Variants in SLC13A3 observed in about 807,000 individuals in gnomAD.
The protein encoded by SLC13A3 is Na(+)/dicarboxylate cotransporter 3.
A neutral mutation model predicts 59.0 loss-of-function variants in SLC13A3; 40 were observed. That is an observed-to-expected ratio of 0.68 (90% CI 0.53 to 0.88). SLC13A3 has a LOEUF of 0.88. SLC13A3 is among the 40% of genes least tolerant of loss of function. The pLI, the probability that SLC13A3 is intolerant of heterozygous loss-of-function variation, is 0.00. For synonymous variants in SLC13A3, 317 were observed against 330.3 expected (o/e 0.96, Z 0.44); for missense variants, 699 against 783.2 (o/e 0.89, Z 1.28).
intron 10 of SLC13A3, among the ~76,000 whole-genome samples, chr20:46,567,200 T>C (rs1386057579): frequency 6.6e-6 from 1 of 152,106 alleles, no homozygotes; most frequent in African/African-American, 2.4e-5. Flanking sequence ...AAGCTACATA[T>C]ATATATGTAT....
intron 3 of SLC13A3, chr20:46,608,707 CATTTAA>C: frequency 1.3e-6 from 1 of 749,428 alleles, no homozygotes; most frequent in Non-Finnish European, 2.0e-6. Context: ...CACGGATCAA[CATTTAA>C]GTTTTAACAG....
At chr20:46,606,504 C>A (rs559446305) in intron 3 of SLC13A3, among the ~76,000 whole-genome samples, 94 of 152,280 alleles carry the variant, frequency 6.2e-4, no homozygotes, top group African/African-American at 2.1e-3. Flanking sequence ...AGTTAGCTTT[C>A]TATGGACAGA....
At chr20:46,627,076 T>C (rs1414384874) in intron 1 of SLC13A3, among the ~76,000 whole-genome samples, 2 of 152,224 alleles carry the variant, frequency 1.3e-5, no homozygotes, top group Non-Finnish European at 2.9e-5. Context: ...CATTCACTTA[T>C]TATCTCTCTC....
intron 1 of SLC13A3, among the ~76,000 whole-genome samples, chr20:46,667,615 G>A (rs145878514): frequency 1.6e-3 from 249 of 152,294 alleles, no homozygotes; most frequent in African/African-American, 5.7e-3. Context: ...ACTTGTGTGA[G>A]TCTATCACCC....
In SLC13A3 at chr20:46,559,739, C is replaced by T. The variant is rs776258135; in HGVS notation, c.*283G>A. 5.9e-5 allele frequency: 21 copies of T among 354,212 alleles called. No homozygotes were observed. Among genetic ancestry groups the T allele is most frequent in the Non-Finnish European group, 9.4e-5 (18 of 191,996 alleles). The allele number at this position is 354,212 out of a possible 1,614,324, so 21.9% of individuals were successfully genotyped here. The stretch of plus-strand genomic sequence containing the variant: ...CCAGATTTGCTCACTGTTGATGACA[C>T]TGGGCTGTCTTGTATCCTAATGATA... On this transcript the variant is annotated 3_prime_UTR_variant, in exon 13 of 13. Coordinates refer to ENST00000279027, the MANE Select transcript of SLC13A3 (RefSeq NM_022829.6).
intron 9 of SLC13A3, among the ~76,000 whole-genome samples, chr20:46,577,023 G>A (rs538628741): frequency 3.1e-4 from 45 of 147,078 alleles, no homozygotes; most frequent in African/African-American, 1.1e-3. Flanking sequence ...ACAGGTGTAT[G>A]CAGCCCGCAG....
intron 3 of SLC13A3, chr20:46,608,798 T>G: frequency 7.0e-7 from 1 of 1,426,672 alleles, no homozygotes; most frequent in Non-Finnish European, 9.3e-7. Flanking sequence ...GGATAATGCT[T>G]GTTGTGTTCA....
At chr20:46,620,115 T>C (rs1297228726) in intron 1 of SLC13A3, among the ~76,000 whole-genome samples, 2 of 152,208 alleles carry the variant, frequency 1.3e-5, no homozygotes, top group Non-Finnish European at 2.9e-5. Flanking sequence ...TCAGAATATC[T>C]CTGTCACACA....
At chr20:46,585,662 G>T in intron 8 of SLC13A3, 11 of 1,288,030 alleles carry the variant, frequency 8.5e-6, no homozygotes, top group Non-Finnish European at 1.1e-5. Flanking sequence ...CAGGAAAGAT[G>T]TATATCAGAA....
intron 1 of SLC13A3, among the ~76,000 whole-genome samples, chr20:46,658,262 T>C (rs1210086313): frequency 5.3e-5 from 8 of 152,100 alleles, no homozygotes; most frequent in Non-Finnish European, 8.8e-5. Flanking sequence ...AAAAACTACA[T>C]TCTGCATAAT....
intron 1 of SLC13A3, among the ~76,000 whole-genome samples, chr20:46,682,865 T>A (rs919373709): frequency 2.6e-5 from 4 of 152,170 alleles, no homozygotes; most frequent in African/African-American, 9.7e-5. Flanking sequence ...GCAAAGCACC[T>A]GCAGCTCCCC....
At chr20:46,613,295 G>GCTGAGAAA (rs1484100093) in intron 2 of SLC13A3, among the ~76,000 whole-genome samples, 165 bp downstream of exon 2, 2 of 39,050 alleles carry the variant, frequency 5.1e-5, no homozygotes, top group African/African-American at 2.2e-4. Flanking sequence ...TTGCTAAATA[G>GCTGAGAAA]TAGAGAAATA....
Position 46,588,044 on chromosome 20 carries a change from TC to T in SLC13A3, c.1121+14del. 6.5e-7 allele frequency: 1 copy of T among 1,532,172 alleles called. No individual in the cohort carries two copies. Among genetic ancestry groups the T allele is most frequent in the Non-Finnish European group, 9.0e-7 (1 of 1,115,548 alleles). 94.9% of individuals were successfully genotyped at this position (1,532,172 alleles called of 1,614,324 possible). A position where few individuals can be genotyped will look rare whatever the true frequency, so the allele number is the denominator to read the frequency against. On this transcript the variant is annotated intron_variant, in intron 8 of 12. Transcript: ENST00000279027. ...TCCCTGTTGGACTCCTCCCTGTGGG[TC>T]CCCAGAGTCTCACCCAGGATTGAAG...
chr20:46,600,054 T>G lies in SLC13A3; in HGVS notation c.542-17A>C, dbSNP rs372860900. The stretch of plus-strand genomic sequence containing the variant: ...GCACAGCAGCTAGGAGGAAAGAGCA[T>G]GATGTCTTTAATGTAATGTAGCGAA... On this transcript the variant is annotated splice_polypyrimidine_tract_variant and intron_variant, in intron 3 of 12. Transcript: ENST00000279027. 4 of 1,552,402 alleles carry G rather than the reference T, an allele frequency of 2.6e-6. No homozygotes were observed. Among genetic ancestry groups the G allele is most frequent in the Admixed American group, 1.7e-5 (1 of 57,662 alleles).
rs376412368 is a variant in SLC13A3, at chr20:46,578,176, C to T, written c.1220-2491G>A. ...CGATCTCCTGACCTCATGATCCGCC[C>T]GCCTCGGCCTCCCAAAGTGCTGGGA... On this transcript the variant is annotated intron_variant, in intron 9 of 12. Coordinates refer to ENST00000279027, the MANE Select transcript of SLC13A3 (RefSeq NM_022829.6). 1.9e-4 allele frequency among the ~76,000 whole-genome samples: 29 copies of T among 151,720 alleles called. No individual in the cohort carries two copies. In the East Asian group the frequency reaches 2.6e-3, roughly 14 times the overall value.
upstream of SLC13A3, among the ~76,000 whole-genome samples, chr20:46,653,888 T>C (rs904889865): frequency 5.9e-5 from 9 of 152,198 alleles, no homozygotes; most frequent in Admixed American, 3.3e-4. Flanking sequence ...TTGTGAGTAA[T>C]GCAGCTATAA....
chr20:46,632,902 T>TAGACAGACAGAC (rs1414128597), intron 1 of SLC13A3, among the ~76,000 whole-genome samples: 5 of 50,678 alleles, frequency 9.9e-5, no homozygotes, highest in African/African-American at 3.2e-4. Flanking sequence ...GATAGATAGA[T>TAGACAGACAGAC]AGATAGATAT....
intron 10 of SLC13A3, among the ~76,000 whole-genome samples, chr20:46,573,414 T>C (rs986152373): frequency 2.6e-5 from 4 of 152,208 alleles, no homozygotes; most frequent in Admixed American, 6.5e-5. Context: ...CCAGTGCTCC[T>C]GTGGGGCTGG....
intron 10 of SLC13A3, among the ~76,000 whole-genome samples, chr20:46,574,457 T>C (rs2062055183): frequency 6.6e-6 from 1 of 152,212 alleles, no homozygotes; most frequent in Non-Finnish European, 1.5e-5. Flanking sequence ...TGAGCTGGGC[T>C]GGCTGACCCG....
Sources: allele counts gnomAD v4.1 joint callset (sites outside exome capture counted in the v4.1 genomes callset), GRCh38; gene constraint gnomAD v4.1.1; transcripts MANE v1.5; gene names NCBI Gene and HGNC (gene_info 2026-07-23, HGNC 2026-07-21).